Variants in ITGBL1 observed in about 807,000 individuals in gnomAD.
The protein encoded by ITGBL1 is integrin subunit beta like 1.
A neutral mutation model predicts 68.5 loss-of-function variants in ITGBL1; 51 were observed. That is an observed-to-expected ratio of 0.74 (90% CI 0.59 to 0.94). The LOEUF (loss-of-function observed/expected upper bound fraction) is 0.94. Among genes scored for constraint, ITGBL1 ranks in the 40% least tolerant of loss-of-function variants. The probability of loss-of-function intolerance (pLI) is 0.00; values close to 1 mark genes in which losing one functional copy is unlikely to be tolerated. For synonymous variants in ITGBL1, 209 were observed against 227.3 expected, an observed-to-expected ratio of 0.92 and a Z score of 0.72; for missense variants, 649 against 647.4, an observed-to-expected ratio of 1.00 and a Z score of -0.03.
At chr13:101,629,427 A>G (rs1310137995) in intron 7 of ITGBL1, among the ~76,000 whole-genome samples, 1 of 152,112 alleles carries the variant, frequency 6.6e-6, no homozygotes, top group African/African-American at 2.4e-5. Flanking sequence ...TTTAATGCCC[A>G]ATCCTTTGAA....
chr13:101,567,860 C>CCGG lies in ITGBL1; in HGVS notation c.463+15_463+16insCGG. 6.3e-7 allele frequency: 1 copy of CCGG among 1,598,970 alleles called. No individual in the cohort carries two copies. The highest frequency in any genetic ancestry group is 8.5e-7 in the Non-Finnish European group (1 of 1,171,960). On this transcript the variant is annotated intron_variant, in intron 3 of 10. Transcript: ENST00000376180. The stretch of plus-strand genomic sequence containing the variant: ...CTCTAATGCAGGTAAGAAGTATACC[C>CCGG]TGTGAAAATTGTTAAGTGGAATAAT...
At chr13:101,700,246 C>T in intron 8 of ITGBL1, among the ~76,000 whole-genome samples, 1 of 152,176 alleles carries the variant, frequency 6.6e-6, no homozygotes, top group Non-Finnish European at 1.5e-5. Flanking sequence ...ACCTCTTTCT[C>T]CTGAAGTGCC....
chr13:101,648,492 G>A (rs1259215496), intron 7 of ITGBL1, among the ~76,000 whole-genome samples: 1 of 152,092 alleles, frequency 6.6e-6, no homozygotes, highest in Non-Finnish European at 1.5e-5. Context: ...CCCAGTGATC[G>A]AGGACAAGGC....
At chr13:101,632,536 A>G (rs2032021540) in intron 7 of ITGBL1, among the ~76,000 whole-genome samples, 1 of 152,226 alleles carries the variant, frequency 6.6e-6, no homozygotes, top group South Asian at 2.1e-4. Context: ...GTGTTAACCC[A>G]AGAGAAATGT....
chr13:101,576,525 C>A lies in ITGBL1; in HGVS notation c.586+979C>A, dbSNP rs113368147. ...ATTTCACTCCTATCTCATGGGATTCCAGTTGAAGGAAGACTGCCCTGCGTG... is the reference window on the plus strand; with the variant it reads ...ATTTCACTCCTATCTCATGGGATTCAAGTTGAAGGAAGACTGCCCTGCGTG... On this transcript the variant is annotated intron_variant, in intron 4 of 10. Transcript: ENST00000376180. Among the ~76,000 whole-genome samples, 515 of 152,210 alleles carry A rather than the reference C, an allele frequency of 3.4e-3. 6 individuals are homozygous for A. The highest frequency in any genetic ancestry group is 0.012 in the African/African-American group (486 of 41,542).
chr13:101,491,913 G>A (rs753157712), intron 2 of ITGBL1, among the ~76,000 whole-genome samples: 8 of 152,140 alleles, frequency 5.3e-5, no homozygotes, highest in Non-Finnish European at 8.8e-5. Context: ...TTAGTTTGCT[G>A]AGAATGGTGG....
downstream of ITGBL1, chr13:101,720,562 G>GTA (rs1202364351): frequency 1.4e-5 from 2 of 145,138 alleles, no homozygotes; most frequent in Non-Finnish European, 3.1e-5. Flanking sequence ...GTGTGTGTGT[G>GTA]TGTATATGTG....
At chr13:101,566,534 C>G (rs1203920386) in intron 2 of ITGBL1, among the ~76,000 whole-genome samples, 2 of 152,094 alleles carry the variant, frequency 1.3e-5, no homozygotes, top group African/African-American at 4.8e-5. Context: ...GAAATAGGAA[C>G]ATTTACATGG....
chr13:101,656,075 C>T (rs904750921), intron 7 of ITGBL1, among the ~76,000 whole-genome samples: 1 of 152,008 alleles, frequency 6.6e-6, no homozygotes, highest in Non-Finnish European at 1.5e-5. Flanking sequence ...GGCTTCCTCG[C>T]TAAAGGTAAA....
intron 9 of ITGBL1, among the ~76,000 whole-genome samples, chr13:101,708,314 AG>A (rs2034308755): frequency 6.6e-6 from 1 of 152,156 alleles, no homozygotes; most frequent in Non-Finnish European, 1.5e-5. Flanking sequence ...AACTGAAGTT[AG>A]GGGCTTCCCA....
rs538473499 is a variant in ITGBL1 at position 101,644,278 on chromosome 13, G to A, written c.1015+45979G>A. Reference sequence around the variant, plus strand: ...TCTTTCTCCACCAGAATATAAAACAGTGGAGTTTTATGTATAAAGTAGAGG... The same window carrying A: ...TCTTTCTCCACCAGAATATAAAACAATGGAGTTTTATGTATAAAGTAGAGG... On this transcript the variant is annotated intron_variant, in intron 7 of 10. Transcript: ENST00000376180. Among the ~76,000 whole-genome samples the A allele has an allele frequency of 3.9e-5, 6 of 152,316 alleles. No homozygotes were observed. The South Asian group carries it at 1.2e-3, about 32-fold the overall frequency.
intron 2 of ITGBL1, among the ~76,000 whole-genome samples, chr13:101,466,785 C>G (rs1784455226): frequency 6.6e-6 from 1 of 152,172 alleles, no homozygotes; most frequent in African/African-American, 2.4e-5. Flanking sequence ...TTTCCTGGAG[C>G]TCTGCTTTGT....
chr13:101,470,103 C>T (rs1439325950), intron 2 of ITGBL1, among the ~76,000 whole-genome samples: 1 of 152,144 alleles, frequency 6.6e-6, no homozygotes, highest in Non-Finnish European at 1.5e-5. Context: ...CAGATGGCAA[C>T]AGGAGCTGGA....
chr13:101,689,657 C>T (rs1204185350), intron 7 of ITGBL1, among the ~76,000 whole-genome samples: 2 of 151,924 alleles, frequency 1.3e-5, no homozygotes. Context: ...CTCTTTTTTA[C>T]CTCTCTGTCT....
At chr13:101,637,036 G>A (rs2032192619) in intron 7 of ITGBL1, among the ~76,000 whole-genome samples, 1 of 152,038 alleles carries the variant, frequency 6.6e-6, no homozygotes, top group African/African-American at 2.4e-5. Flanking sequence ...AAATTCTATG[G>A]GTATTCATTA....
intron 2 of ITGBL1, among the ~76,000 whole-genome samples, chr13:101,494,830 A>C (rs538707145): frequency 5.9e-5 from 9 of 152,296 alleles, no homozygotes; most frequent in African/African-American, 2.2e-4. Flanking sequence ...AAAATGTAAA[A>C]GTCTATGAAA....
At chr13:101,467,976 G>A (rs1023721687) in intron 2 of ITGBL1, among the ~76,000 whole-genome samples, 2 of 152,124 alleles carry the variant, frequency 1.3e-5, no homozygotes, top group African/African-American at 4.8e-5. Context: ...AGTCAATGGG[G>A]TAGAGTAAGG....
intron 7 of ITGBL1, among the ~76,000 whole-genome samples, chr13:101,599,938 A>T (rs373490956): frequency 6.6e-6 from 1 of 152,132 alleles, no homozygotes; most frequent in East Asian, 1.9e-4. Context: ...TTGGTTCCAT[A>T]TGAACTTTAA....
At chr13:101,529,961 A>G (rs2139156682) in intron 2 of ITGBL1, among the ~76,000 whole-genome samples, 1 of 152,264 alleles carries the variant, frequency 6.6e-6, no homozygotes, top group South Asian at 2.1e-4. Flanking sequence ...TGAGCCCACA[A>G]TTTTCTATCT....
Sources: allele counts gnomAD v4.1 joint callset (sites outside exome capture counted in the v4.1 genomes callset), GRCh38; gene constraint gnomAD v4.1.1; transcripts MANE v1.5; gene names NCBI Gene and HGNC (gene_info 2026-07-23, HGNC 2026-07-21).